ARHGAP8: variants seen among roughly 807,000 people sequenced by gnomAD.
ARHGAP8 encodes the protein rho GTPase-activating protein 8.
In ARHGAP8, 62 loss-of-function variants were observed where a neutral mutation model predicts 46.1. The ratio of observed to expected loss-of-function variants is 1.34; its 90% CI spans 1.10 to 1.66. ARHGAP8 has a LOEUF of 1.66. Ranked by LOEUF, ARHGAP8 falls within the 40% of genes most tolerant of loss-of-function variation. The probability of loss-of-function intolerance (pLI) is 0.00; values close to 1 mark genes in which losing one functional copy is unlikely to be tolerated. For synonymous variants in ARHGAP8, 375 were observed against 243.1 expected (o/e 1.54, Z -5.05); for missense variants, 923 against 568.4 (o/e 1.62, Z -6.34).
At chr22:44,848,249 C>T (rs1049241539) in intron 9 of ARHGAP8, among the ~76,000 whole-genome samples, 199 bp downstream of exon 9, 3 of 152,250 alleles carry the variant, frequency 2.0e-5, no homozygotes, top group Non-Finnish European at 4.4e-5. Flanking sequence ...GTCCAGACCC[C>T]CAACCCCACT....
intron 1 of ARHGAP8, among the ~76,000 whole-genome samples, chr22:44,758,325 G>A (rs1486631448): frequency 2.0e-5 from 3 of 152,166 alleles, no homozygotes. Context: ...GGGAGGCTGA[G>A]GCAGGAGAAT....
intron 2 of ARHGAP8, among the ~76,000 whole-genome samples, chr22:44,787,650 T>C (rs1927356177): frequency 6.6e-6 from 1 of 152,156 alleles, no homozygotes; most frequent in South Asian, 2.1e-4. Flanking sequence ...CGGCCTTGCA[T>C]TGCTTTAATT....
At position 44,861,690 on chromosome 22, in the gene ARHGAP8, G is replaced by A. The variant is rs527466265; in HGVS notation, c.982-585G>A. Among the ~76,000 whole-genome samples, 3 of 152,276 alleles carry A rather than the reference G, an allele frequency of 2.0e-5. No homozygotes were observed. The East Asian group carries it at 5.8e-4, about 29-fold the overall frequency. The stretch of plus-strand genomic sequence containing the variant: ...CTCACGTTGGTCCACATGGCCCCCT[G>A]CCACTGGCTGGCCACATGACCTTGG... On this transcript the variant is annotated intron_variant, in intron 11 of 11. Transcript: ENST00000356099.
At chr22:44,810,913 A>G (rs1347531066) in intron 4 of ARHGAP8, among the ~76,000 whole-genome samples, 1 of 146,822 alleles carries the variant, frequency 6.8e-6, no homozygotes, top group Non-Finnish European at 1.5e-5. Context: ...TGATGTGTTT[A>G]AAGCAGCCCT....
intron 3 of ARHGAP8, among the ~76,000 whole-genome samples, chr22:44,805,230 G>A (rs1434464342): frequency 1.3e-5 from 2 of 152,198 alleles, no homozygotes; most frequent in African/African-American, 2.4e-5. Context: ...ATGAGCTCAC[G>A]ATTTGCTGTT....
rs372854709 is a variant in ARHGAP8, at chr22:44,809,069, CCTCAGCCTCCCAA to C, written c.299+632_299+644del. 940 of 468,268 alleles carry C rather than the reference CCTCAGCCTCCCAA, an allele frequency of 2.0e-3. 7 individuals are homozygous for C. The highest frequency in any genetic ancestry group is 0.013 in the African/African-American group (638 of 50,140). 29.0% of individuals were successfully genotyped at this position (468,268 alleles called of 1,614,324 possible). On this transcript the variant is annotated intron_variant, in intron 4 of 11. Transcript: ENST00000356099. ...ACTCCAAGCTCAAGCGATCCTCCCA[CCTCAGCCTCCCAA>C]AGTACTGGGATTACAGGCAGGAGCC...
intron 10 of ARHGAP8, among the ~76,000 whole-genome samples, chr22:44,853,785 T>G (rs1016803955): frequency 6.6e-6 from 1 of 152,086 alleles, no homozygotes; most frequent in African/African-American, 2.4e-5. Flanking sequence ...CCTAGCACTT[T>G]GGGAGACCAA....
At chr22:44,796,377 A>ATCATTCGGAATG (rs1416891087) in intron 2 of ARHGAP8, among the ~76,000 whole-genome samples, 1 of 151,640 alleles carries the variant, frequency 6.6e-6, no homozygotes, top group Non-Finnish European at 1.5e-5. Flanking sequence ...CCGATGCTGT[A>ATCATTCGGAATG]TCATTCGGAA....
At chr22:44,851,145 C>G (rs1408807269) in intron 10 of ARHGAP8, among the ~76,000 whole-genome samples, 2 of 152,112 alleles carry the variant, frequency 1.3e-5, no homozygotes, top group Admixed American at 1.3e-4. Context: ...CTGGCTTGCA[C>G]CACTGCCTCC....
At chr22:44,844,087 T>C (rs2069896790) in intron 7 of ARHGAP8, among the ~76,000 whole-genome samples, 1 of 152,142 alleles carries the variant, frequency 6.6e-6, no homozygotes, top group Non-Finnish European at 1.5e-5. Flanking sequence ...TTCTCCTGCC[T>C]CAGCCTCCAG....
intron 4 of ARHGAP8, among the ~76,000 whole-genome samples, chr22:44,810,834 G>T (rs1929281933): frequency 6.6e-6 from 1 of 152,136 alleles, no homozygotes; most frequent in South Asian, 2.1e-4. Context: ...GGAGGGAGGG[G>T]CACAGAGGAT....
At chr22:44,785,354 C>G (rs1927139698) in intron 1 of ARHGAP8, among the ~76,000 whole-genome samples, 1 of 152,252 alleles carries the variant, frequency 6.6e-6, no homozygotes, top group African/African-American at 2.4e-5. Context: ...TGGAGGCCAC[C>G]AGTCCAAAGT....
At chr22:44,845,654 G>A (rs536342998) in intron 8 of ARHGAP8, among the ~76,000 whole-genome samples, 15 of 152,316 alleles carry the variant, frequency 9.8e-5, no homozygotes, top group African/African-American at 3.6e-4. Flanking sequence ...ACGAGACAGT[G>A]CCTGCAAAGC....
chr22:44,852,856 G>A (rs1254091825), intron 10 of ARHGAP8, among the ~76,000 whole-genome samples: 1 of 152,200 alleles, frequency 6.6e-6, no homozygotes, highest in Non-Finnish European at 1.5e-5. Flanking sequence ...AGGCTGGAGT[G>A]CAGTGGCACG....
intron 10 of ARHGAP8, chr22:44,850,100 A>T (rs1038461390): frequency 1.3e-5 from 2 of 152,148 alleles, no homozygotes; most frequent in African/African-American, 2.4e-5. Flanking sequence ...ATGGGGCTGG[A>T]GACTGATTTC....
At position 44,793,582 on chromosome 22, in the gene ARHGAP8, C is replaced by T. The variant is rs577852088; in HGVS notation, c.79+6976C>T. Reference sequence around the variant, plus strand: ...CTCCCTCCCGATAGATTGCTACTGCCTTTATGATGCGTTTTAATCGCCGTC... The same window carrying T: ...CTCCCTCCCGATAGATTGCTACTGCTTTTATGATGCGTTTTAATCGCCGTC... On this transcript the variant is annotated intron_variant, in intron 2 of 11. Transcript: ENST00000356099. 3.9e-5 allele frequency among the ~76,000 whole-genome samples: 6 copies of T among 152,300 alleles called. No homozygotes were observed. The South Asian group carries it at 1.0e-3, about 26-fold the overall frequency.
At chr22:44,834,980 C>T (rs1042406776) in intron 7 of ARHGAP8, among the ~76,000 whole-genome samples, 1 of 152,068 alleles carries the variant, frequency 6.6e-6, no homozygotes, top group Admixed American at 6.6e-5. Context: ...TACTTTCAAC[C>T]TATTTGTGTC....
intron 10 of ARHGAP8, among the ~76,000 whole-genome samples, chr22:44,857,347 C>G (rs1047087452): frequency 6.6e-6 from 1 of 152,206 alleles, no homozygotes; most frequent in African/African-American, 2.4e-5. Context: ...ATCCCCATGA[C>G]TAGAAACTGC....
chr22:44,814,888 C>A, intron 5 of ARHGAP8, 130 bp downstream of exon 5: 1 of 1,088,556 alleles, frequency 9.2e-7, no homozygotes, highest in Non-Finnish European at 1.3e-6. Flanking sequence ...CTGGGGCTCC[C>A]TACCCGCCCT....
Sources: allele counts gnomAD v4.1 joint callset (sites outside exome capture counted in the v4.1 genomes callset), GRCh38; gene constraint gnomAD v4.1.1; transcripts MANE v1.5; gene names NCBI Gene and HGNC (gene_info 2026-07-23, HGNC 2026-07-21).